The following MEIS1 variants were observed in gnomAD, a reference collection of about 807,000 sequenced individuals.
MEIS1 encodes homeobox protein Meis1.
MEIS1 carries 5 observed loss-of-function variants against 50.8 expected under a neutral mutation model. The ratio of observed to expected loss-of-function variants is 0.10; its 90% confidence interval spans 0.05 to 0.21. The LOEUF is 0.21. Ranked by LOEUF, MEIS1 falls within the 10% of genes least tolerant of loss-of-function variation. MEIS1 has a pLI of 1.00. For missense variants in MEIS1, 318 were observed against 517.3 expected (o/e 0.61, Z 3.74); for synonymous variants, 176 against 179.3 (o/e 0.98, Z 0.15).
At chr2:66,521,393 G>T (rs537328725) in intron 8 of MEIS1, among the ~76,000 whole-genome samples, 1 of 150,948 alleles carries the variant, frequency 6.6e-6, no homozygotes, top group Non-Finnish European at 1.5e-5. Flanking sequence ...TGGCCTGGAC[G>T]CCAAAGAGCT....
chr2:66,542,247 G>C (rs949146826), intron 8 of MEIS1, among the ~76,000 whole-genome samples: 2 of 151,862 alleles, frequency 1.3e-5, no homozygotes, highest in Non-Finnish European at 2.9e-5. Context: ...TTTTAAAAGA[G>C]CACAGAGATC....
At chr2:66,473,101 G>A (rs1047373821) in intron 7 of MEIS1, among the ~76,000 whole-genome samples, 1 of 151,824 alleles carries the variant, frequency 6.6e-6, no homozygotes, top group Admixed American at 6.6e-5. Flanking sequence ...ATATAAGGCC[G>A]GGCGCGGTGG....
At chr2:66,546,983 T>C (rs986929201) in intron 8 of MEIS1, among the ~76,000 whole-genome samples, 5 of 152,182 alleles carry the variant, frequency 3.3e-5, no homozygotes, top group African/African-American at 1.2e-4. Flanking sequence ...GGTGCACTTT[T>C]CCATTCATAA....
At chr2:66,450,673 T>G (rs576512943) in intron 6 of MEIS1, among the ~76,000 whole-genome samples, 1 of 152,112 alleles carries the variant, frequency 6.6e-6, no homozygotes, top group African/African-American at 2.4e-5. Flanking sequence ...TTAGAAGATA[T>G]CAGTAAATAA....
intron 7 of MEIS1, among the ~76,000 whole-genome samples, chr2:66,510,977 G>A (rs1263193633): frequency 6.6e-6 from 1 of 152,016 alleles, no homozygotes; most frequent in Non-Finnish European, 1.5e-5. Context: ...GCTCTCCAGT[G>A]GCTTATTTAA....
At chr2:66,550,410 A>C (rs1674890507) in intron 9 of MEIS1, among the ~76,000 whole-genome samples, 2 of 152,230 alleles carry the variant, frequency 1.3e-5, no homozygotes, top group Admixed American at 1.3e-4. Context: ...TAATGACAAT[A>C]CCATGTTTGA....
chr2:66,531,810 GCCATTAAT>G (rs1674398250), intron 8 of MEIS1, among the ~76,000 whole-genome samples: 1 of 152,168 alleles, frequency 6.6e-6, no homozygotes, highest in South Asian at 2.1e-4. Context: ...GGATGCGGCG[GCCATTAAT>G]CATGAGCTGC....
chr2:66,441,588 A>G, intron 5 of MEIS1, 124 bp downstream of exon 5: 1 of 787,884 alleles, frequency 1.3e-6, no homozygotes, highest in Non-Finnish European at 2.0e-6. Context: ...CTTTCTGGTA[A>G]TTAGTGTCAA....
chr2:66,521,773 CCTT>C (rs1277908242), intron 8 of MEIS1, among the ~76,000 whole-genome samples: 1 of 152,190 alleles, frequency 6.6e-6, no homozygotes, highest in African/African-American at 2.4e-5. Context: ...GCTAATGTCT[CCTT>C]CTCCCTGTGC....
chr2:66,552,682 G>A (rs1053773189), intron 9 of MEIS1, among the ~76,000 whole-genome samples: 2 of 152,138 alleles, frequency 1.3e-5, no homozygotes, highest in Admixed American at 1.3e-4. Context: ...AAGTAAAAAT[G>A]TAAACTTATT....
intron 8 of MEIS1, among the ~76,000 whole-genome samples, chr2:66,536,625 C>T (rs1179626370): frequency 6.7e-6 from 1 of 149,418 alleles, no homozygotes; most frequent in Non-Finnish European, 1.5e-5. Flanking sequence ...GTCTGAGAGG[C>T]CTTTTAATTC....
intron 7 of MEIS1, among the ~76,000 whole-genome samples, chr2:66,496,476 CG>C (rs1413660488): frequency 6.6e-6 from 1 of 152,082 alleles, no homozygotes; most frequent in African/African-American, 2.4e-5. Flanking sequence ...ATAGTGTGCA[CG>C]GGGGTCTCAG....
intron 4 of MEIS1, 84 bp downstream of exon 4, chr2:66,440,696 C>T: frequency 1.1e-6 from 1 of 951,978 alleles, no homozygotes; most frequent in East Asian, 2.7e-5. Context: ...TTTGAGAGCC[C>T]TGAGATTTCT....
intron 7 of MEIS1, among the ~76,000 whole-genome samples, chr2:66,487,608 G>A (rs531908261): frequency 1.1e-4 from 16 of 152,222 alleles, no homozygotes; most frequent in African/African-American, 3.4e-4. Flanking sequence ...TAAGTAATTG[G>A]TTATGTGTAT....
chr2:66,518,795 T>C (rs1015852425), intron 8 of MEIS1, among the ~76,000 whole-genome samples: 2 of 152,208 alleles, frequency 1.3e-5, no homozygotes, highest in Admixed American at 1.3e-4. Context: ...ATGTTTAAGA[T>C]TCCTAATGAA....
chr2:66,555,250 C>T (rs944231265), intron 9 of MEIS1, among the ~76,000 whole-genome samples: 4 of 70,164 alleles, frequency 5.7e-5, no homozygotes, highest in African/African-American at 1.0e-4. Flanking sequence ...GTTGTGTGTA[C>T]GTGTTCTCTC....
chr2:66,461,662 C>G (rs1475975476), intron 6 of MEIS1: 1 of 309,770 alleles, frequency 3.2e-6, no homozygotes, highest in African/African-American at 2.3e-5. Flanking sequence ...ATAGGTTGCA[C>G]AAAATTTGGA....
At chr2:66,447,842 T>G (rs1462757676) in intron 6 of MEIS1, among the ~76,000 whole-genome samples, 1 of 152,172 alleles carries the variant, frequency 6.6e-6, no homozygotes, top group Non-Finnish European at 1.5e-5. Context: ...TCCCTCTTTC[T>G]CTTTCAATCT....
chr2:66,466,748 C>G (rs1179775918), intron 7 of MEIS1, among the ~76,000 whole-genome samples: 1 of 152,102 alleles, frequency 6.6e-6, no homozygotes, highest in Non-Finnish European at 1.5e-5. Flanking sequence ...ATTTATAAAT[C>G]CATAAATATG....
Sources: allele counts gnomAD v4.1 joint callset (sites outside exome capture counted in the v4.1 genomes callset), GRCh38; gene constraint gnomAD v4.1.1; transcripts MANE v1.5; gene names NCBI Gene and HGNC (gene_info 2026-07-23, HGNC 2026-07-21).